The following DDAH1 variants were observed in gnomAD, a reference collection of about 807,000 sequenced individuals.
The protein encoded by DDAH1 is dimethylarginine dimethylaminohydrolase 1.
Under a neutral mutation model 28.8 loss-of-function variants are expected in DDAH1, and 19 were observed. That is an observed-to-expected ratio of 0.66 (90% CI 0.46 to 0.97). The LOEUF (loss-of-function observed/expected upper bound fraction) is 0.97. Ranked by LOEUF, DDAH1 falls within the 50% of genes least tolerant of loss-of-function variation. The pLI, the probability that DDAH1 is intolerant of heterozygous loss-of-function variation, is 0.00. For missense variants in DDAH1, 326 were observed against 375.9 expected, an observed-to-expected ratio of 0.87 and a Z score of 1.10; for synonymous variants, 153 against 154.4, an observed-to-expected ratio of 0.99 and a Z score of 0.07.
rs78850791 is a variant in DDAH1 at position 85,570,525 on chromosome 1, T to C, written c.-123+7459A>G. Among the ~76,000 whole-genome samples the C allele has an allele frequency of 8.5e-3, 1,292 of 152,304 alleles. 16 individuals carry two copies. Among genetic ancestry groups the C allele is most frequent in the African/African-American group, 0.03 (1,248 of 41,562 alleles). On this transcript the variant is annotated intron_variant, in intron 1 of 6. Transcript: ENST00000426972. ...CCCGTGGCAACTCCCAACCATTTTT[T>C]AAACACAAAATAAGAAAATCATACT... is the stretch of plus-strand genomic sequence containing the variant.
chr1:85,345,665 G>A (rs1236945048), intron 4 of DDAH1, among the ~76,000 whole-genome samples: 3 of 152,176 alleles, frequency 2.0e-5, no homozygotes, highest in African/African-American at 7.2e-5. Context: ...AGGAGTTCGA[G>A]ACCAGCCTGG....
chr1:85,554,247 G>A (rs1005787141), intron 1 of DDAH1, among the ~76,000 whole-genome samples: 27 of 136,564 alleles, frequency 2.0e-4, no homozygotes, highest in Non-Finnish European at 3.3e-4. Context: ...ACAGGCCCTC[G>A]TAGTTTTCCT....
At chr1:85,441,976 C>G (rs1654219601) in intron 1 of DDAH1, among the ~76,000 whole-genome samples, 1 of 151,864 alleles carries the variant, frequency 6.6e-6, no homozygotes, top group Non-Finnish European at 1.5e-5. Flanking sequence ...GAATCATTAC[C>G]CATATTTCAT....
intron 1 of DDAH1, among the ~76,000 whole-genome samples, chr1:85,500,078 TTTCC>T (rs1044106896): frequency 1.3e-5 from 2 of 151,548 alleles, no homozygotes; most frequent in Non-Finnish European, 1.5e-5. Context: ...TTTTCTTTCC[TTTCC>T]TTCCTTCCTT....
intron 1 of DDAH1, among the ~76,000 whole-genome samples, chr1:85,541,736 A>G (rs6679477): frequency 0.082 from 12,530 of 152,146 alleles, 665 homozygotes; most frequent in African/African-American, 0.16. Context: ...CCTTTGGGAG[A>G]TGATTAGATC....
intron 1 of DDAH1, among the ~76,000 whole-genome samples, chr1:85,422,803 T>G (rs2100617231): frequency 6.6e-6 from 1 of 152,188 alleles, no homozygotes; most frequent in Admixed American, 6.5e-5. Context: ...ATGACGAGAT[T>G]AGTGAAGAGA....
intron 1 of DDAH1, among the ~76,000 whole-genome samples, chr1:85,383,705 C>G (rs1267320342): frequency 2.6e-5 from 4 of 152,168 alleles, no homozygotes; most frequent in Non-Finnish European, 5.9e-5. Flanking sequence ...TTGCCACAGT[C>G]ACCTCAACCT....
At chr1:85,540,419 T>C (rs1442789854) in intron 1 of DDAH1, among the ~76,000 whole-genome samples, 3 of 152,154 alleles carry the variant, frequency 2.0e-5, no homozygotes, top group Non-Finnish European at 4.4e-5. Flanking sequence ...TGTTAACTCT[T>C]TCCTGATTCC....
intron 2 of DDAH1, among the ~76,000 whole-genome samples, chr1:85,485,332 G>A (rs1464104762): frequency 6.6e-6 from 1 of 151,918 alleles, no homozygotes; most frequent in Non-Finnish European, 1.5e-5. Context: ...TGAGTAAAGA[G>A]GCAATTATAG....
chr1:85,325,354 T>C (rs1216399698), intron 4 of DDAH1, among the ~76,000 whole-genome samples: 20 of 151,258 alleles, frequency 1.3e-4, no homozygotes, highest in South Asian at 8.4e-4. Flanking sequence ...TGCACGTGCG[T>C]GCGCGCGCGC....
chr1:85,361,629 A>G (rs1299641791), intron 1 of DDAH1, among the ~76,000 whole-genome samples: 1 of 152,244 alleles, frequency 6.6e-6, no homozygotes, highest in African/African-American at 2.4e-5. Context: ...AAAGATTTAC[A>G]AGACCTTTCT....
intron 4 of DDAH1, among the ~76,000 whole-genome samples, chr1:85,342,324 T>C (rs78949519): frequency 0.043 from 6,562 of 152,146 alleles, 496 homozygotes; most frequent in African/African-American, 0.15. Flanking sequence ...TTAACTTTTT[T>C]CCCCCTTTTT....
intron 1 of DDAH1, among the ~76,000 whole-genome samples, chr1:85,544,961 T>C (rs1312283762): frequency 6.6e-6 from 1 of 152,174 alleles, no homozygotes; most frequent in Admixed American, 6.5e-5. Context: ...TACACAGTTA[T>C]AACTCAACAT....
intron 1 of DDAH1, among the ~76,000 whole-genome samples, chr1:85,501,469 T>C (rs1168309098): frequency 1.3e-5 from 2 of 152,204 alleles, no homozygotes; most frequent in African/African-American, 4.8e-5. Context: ...ACCCAGAAAG[T>C]GAGAAGCTTA....
intron 1 of DDAH1, among the ~76,000 whole-genome samples, chr1:85,454,406 G>A (rs1437467848): frequency 1.3e-5 from 2 of 152,146 alleles, no homozygotes; most frequent in African/African-American, 4.8e-5. Flanking sequence ...ACAAGTGAGA[G>A]GAAATAAAAC....
intron 4 of DDAH1, among the ~76,000 whole-genome samples, chr1:85,339,063 AT>A (rs34294347): frequency 0.016 from 1,966 of 124,600 alleles, 50 homozygotes; most frequent in African/African-American, 0.052. Flanking sequence ...AAAAAAAAAA[AT>A]ATATATATAT....
At chr1:85,479,053 C>T (rs973963357) in intron 2 of DDAH1, among the ~76,000 whole-genome samples, 1 of 150,264 alleles carries the variant, frequency 6.7e-6, no homozygotes, top group Non-Finnish European at 1.5e-5. Flanking sequence ...CTTTATTTTG[C>T]GTTTTGCTTT....
intron 5 of DDAH1, 46 bp from the exon 6 acceptor site, chr1:85,321,614 T>C: frequency 7.1e-7 from 1 of 1,402,252 alleles, no homozygotes; most frequent in African/African-American, 1.4e-5. Context: ...GATTATGTTT[T>C]ACCATCCTCA....
chr1:85,377,425 T>C (rs1053696965), intron 1 of DDAH1, among the ~76,000 whole-genome samples: 2 of 152,116 alleles, frequency 1.3e-5, no homozygotes, highest in African/African-American at 4.8e-5. Context: ...CATCATTTCA[T>C]GGCATCAAAT....
Sources: gnomAD v4.1 joint callset for allele counts (sites outside exome capture counted in the v4.1 genomes callset) on GRCh38, gnomAD v4.1.1 for gene constraint, MANE v1.5 for transcripts, NCBI Gene and HGNC (gene_info 2026-07-23, HGNC 2026-07-21) for gene names.